ANK2: variants seen among roughly 807,000 people sequenced by gnomAD.
The protein encoded by ANK2 is ankyrin-2.
Under a neutral mutation model 360.5 loss-of-function variants are expected in ANK2, and 83 were observed. That is an observed-to-expected ratio of 0.23 (90% confidence interval 0.19 to 0.28). ANK2 has a LOEUF of 0.28. Among genes scored for constraint, ANK2 ranks in the 10% least tolerant of loss-of-function variants. The probability of loss-of-function intolerance (pLI) is 1.00; values close to 1 mark genes in which losing one functional copy is unlikely to be tolerated. For synonymous variants in ANK2, 1,740 were observed against 1,759.5 expected (o/e 0.99, Z 0.28); for missense variants, 4,201 against 4,795.7 (o/e 0.88, Z 3.66).
intron 1 of ANK2, among the ~76,000 whole-genome samples, chr4:113,161,695 CGT>C (rs56162406): frequency 0.21 from 30,988 of 144,392 alleles, 3,232 homozygotes; most frequent in African/African-American, 0.28. Context: ...GTTTTAGTCT[CGT>C]GTGTGTGTGT....
chr4:113,355,286 C>G lies in ANK2; in HGVS notation c.6668C>G (p.Pro2223Arg), dbSNP rs1415611619. 4 of 1,613,906 alleles carry G rather than the reference C, an allele frequency of 2.5e-6. No homozygotes were observed. Among genetic ancestry groups the G allele is most frequent in the Non-Finnish European group, 3.4e-6 (4 of 1,179,962 alleles). ...SPCGSLMEGT[P>R]QISSEESYKH... ...TGTGGCAGCCTGATGGAGGGGACCC[C>G]TCAGATTAGTTCAGAAGAAAGCTAT... Residue 2223 changes from proline (P) to arginine (R), a missense_variant, in exon 38 of 46, where the codon CCT (proline) becomes CGT (arginine). Coordinates refer to ENST00000357077, the MANE Select transcript of ANK2 (RefSeq NM_001148.6).
At chr4:113,366,102 A>C (rs894552792) in intron 41 of ANK2, among the ~76,000 whole-genome samples, 1 of 152,080 alleles carries the variant, frequency 6.6e-6, no homozygotes, top group Non-Finnish European at 1.5e-5. Context: ...CTTTTACCCT[A>C]TATGTCCCCC....
At chr4:112,987,667 T>G (rs2045394156) in intron 2 of ANK2, among the ~76,000 whole-genome samples, 1 of 151,950 alleles carries the variant, frequency 6.6e-6, no homozygotes, top group African/African-American at 2.4e-5. Context: ...AATTCAGGAG[T>G]ATTTTTTCCC....
At chr4:113,233,106 GTTTTTTTTTTTTTTTTTTTTTTTTT>G (rs1156385030) in intron 5 of ANK2, among the ~76,000 whole-genome samples, 34 of 79,710 alleles carry the variant, frequency 4.3e-4, no homozygotes, top group East Asian at 2.2e-3. Flanking sequence ...TGGCTTTTCT[GTTTTTTTTTTTTTTTTTTTTTTTTT>G]TTTTTTTTTT....
At chr4:112,821,221 A>G (rs998836022) in intron 1 of ANK2, among the ~76,000 whole-genome samples, 2 of 151,728 alleles carry the variant, frequency 1.3e-5, no homozygotes, top group Non-Finnish European at 2.9e-5. Context: ...GGCCCCTTAA[A>G]TGTTTTTTGT....
chr4:113,097,840 ATGTGTG>A (rs541314094), intron 1 of ANK2, among the ~76,000 whole-genome samples: 6 of 16,414 alleles, frequency 3.7e-4, no homozygotes, highest in South Asian at 1.8e-3. Context: ...TTGTATATAT[ATGTGTG>A]TGTGTGTGTG....
At chr4:112,733,797 C>T in the ANK2 span, among the ~76,000 whole-genome samples, 16 of 152,160 alleles carry the variant, frequency 1.1e-4, no homozygotes, top group Non-Finnish European at 2.2e-4. Context: ...TTTTTTGAGA[C>T]GGAGTCTCAC....
At chr4:113,209,768 A>G (rs1157386438) in intron 4 of ANK2, among the ~76,000 whole-genome samples, 1 of 152,008 alleles carries the variant, frequency 6.6e-6, no homozygotes, top group Non-Finnish European at 1.5e-5. Context: ...AGTATCTTGA[A>G]GCGGAGGACT....
intron 1 of ANK2, among the ~76,000 whole-genome samples, chr4:113,173,219 T>C (rs2098056989): frequency 6.6e-6 from 1 of 152,224 alleles, no homozygotes; most frequent in South Asian, 2.1e-4. Flanking sequence ...GTGTAAATCA[T>C]TTTAACAGTA....
chr4:113,196,325 T>G (rs751500247), intron 2 of ANK2, 43 bp from the exon 3 acceptor site: 2 of 1,489,078 alleles, frequency 1.3e-6, no homozygotes, highest in South Asian at 2.3e-5. Flanking sequence ...ACTATTTTCC[T>G]CATTACTTCA....
At chr4:113,022,508 C>T (rs1232261671) in intron 2 of ANK2, among the ~76,000 whole-genome samples, 1 of 152,130 alleles carries the variant, frequency 6.6e-6, no homozygotes, top group African/African-American at 2.4e-5. Context: ...ATCCTGTAAG[C>T]ACTTGATCAT....
chr4:113,200,510 A>G (rs1293380676), intron 4 of ANK2, among the ~76,000 whole-genome samples: 1 of 152,162 alleles, frequency 6.6e-6, no homozygotes, highest in African/African-American at 2.4e-5. Flanking sequence ...CCTAGTATCT[A>G]TTATTTCCAT....
intron 1 of ANK2, among the ~76,000 whole-genome samples, chr4:113,157,310 T>C (rs1423043815): frequency 6.6e-6 from 1 of 152,226 alleles, no homozygotes; most frequent in East Asian, 1.9e-4. Flanking sequence ...CAGGGAGATA[T>C]GTCAATATGA....
intron 7 of ANK2, among the ~76,000 whole-genome samples, chr4:113,238,096 G>A (rs1475701414): frequency 6.6e-6 from 1 of 151,818 alleles, no homozygotes; most frequent in Non-Finnish European, 1.5e-5. Context: ...ATGTTATTGA[G>A]CATATCAAGA....
intron 2 of ANK2, among the ~76,000 whole-genome samples, chr4:112,913,307 T>C (rs2088409885): frequency 6.6e-6 from 1 of 152,230 alleles, no homozygotes; most frequent in African/African-American, 2.4e-5. Flanking sequence ...TAAAGGATTT[T>C]GACTAGTATA....
the ANK2 span, chr4:112,797,297 T>G: frequency 6.6e-6 from 1 of 152,342 alleles, no homozygotes; most frequent in Non-Finnish European, 1.5e-5. Flanking sequence ...TTTTTTTGCC[T>G]TCTTCTATAC....
intron 26 of ANK2, among the ~76,000 whole-genome samples, chr4:113,328,712 C>T (rs1330090454): frequency 1.3e-5 from 2 of 152,166 alleles, no homozygotes; most frequent in East Asian, 3.9e-4. Context: ...AAGGCCTGTG[C>T]TGCCTCTTGT....
chr4:112,761,110 C>T, the ANK2 span, among the ~76,000 whole-genome samples: 1 of 151,898 alleles, frequency 6.6e-6, no homozygotes, highest in Non-Finnish European at 1.5e-5. Flanking sequence ...CCCGGCCATG[C>T]GTTCCTTCTT....
At chr4:113,164,098 CA>C (rs1353711253) in intron 1 of ANK2, among the ~76,000 whole-genome samples, 2 of 151,930 alleles carry the variant, frequency 1.3e-5, no homozygotes, top group African/African-American at 4.8e-5. Context: ...GCTTAAATAA[CA>C]GTTTAATAAA....
Sources: gnomAD v4.1 joint callset for allele counts (sites outside exome capture counted in the v4.1 genomes callset) on GRCh38, gnomAD v4.1.1 for gene constraint, MANE v1.5 for transcripts, NCBI Gene and HGNC (gene_info 2026-07-23, HGNC 2026-07-21) for gene names.